Variants in GIMAP6 observed in about 807,000 individuals in gnomAD.
GIMAP6 encodes the protein GTPase, IMAP family member 6.
A neutral mutation model predicts 9.3 loss-of-function variants in GIMAP6; 6 were observed. The observed-to-expected ratio is 0.65, with a 90% CI of 0.35 to 1.27. The LOEUF is 1.27. Ranked by LOEUF, GIMAP6 falls within the 50% of genes most tolerant of loss-of-function variation. The pLI is 0.03. For missense variants in GIMAP6, 333 were observed against 359.5 expected (o/e 0.93, Z 0.60); for synonymous variants, 156 against 151.1 (o/e 1.03, Z -0.24).
chr7:150,629,509 G>A (rs1563337247), intron 2 of GIMAP6, among the ~76,000 whole-genome samples: 1 of 152,196 alleles, frequency 6.6e-6, no homozygotes, highest in Non-Finnish European at 1.5e-5. Context: ...GAATGACGAA[G>A]TTGAGCCCAT....
chr7:150,630,270 G>A (rs1432130455), intron 1 of GIMAP6, 128 bp from the exon 2 acceptor site: 2 of 627,454 alleles, frequency 3.2e-6, no homozygotes, highest in Non-Finnish European at 2.6e-6. Flanking sequence ...GGGTTGGGGT[G>A]GGACTGAGTG....
At position 150,630,098 on chromosome 7, in the gene GIMAP6, T is replaced by TG. The variant is rs764335710; in HGVS notation, c.44dup (p.Glu16ArgfsTer54). On this transcript the variant is annotated frameshift_variant, in exon 2 of 3. Coordinates refer to ENST00000328902, the MANE Select transcript of GIMAP6 (RefSeq NM_024711.6). LOFTEE classifies it high-confidence loss of function. ...GCACAGGATCCTGGGACAGCTCTTC[T>TG]GGGGGATTCTCCTGGGGAATTTGTT... 3.2e-6 allele frequency: 5 copies of TG among 1,573,742 alleles called. No homozygotes were observed. The African/African-American group carries it at 4.3e-5, about 14-fold the overall frequency.
chr7:150,627,879 T>C lies in GIMAP6; in HGVS notation c.719A>G (p.Gln240Arg). The C allele has an allele frequency of 6.2e-7, 1 of 1,614,270 alleles. No homozygotes were observed. The highest frequency in any genetic ancestry group is 8.5e-7 in the Non-Finnish European group (1 of 1,180,048). Residue 240 changes from glutamine to arginine, a missense_variant, in exon 3 of 3, where the codon CAG (glutamine) becomes CGG (arginine). Transcript: ENST00000328902. ...TAGTTCTTTCAGCCGAAAGTTTTGC[T>C]GGGTATATTGGTAAGCCTTGTTGCT... The part of the protein sequence containing the change: ...YYSNKAYQYT[Q>R]QNFRLKELQE...
chr7:150,630,600 T>C (rs960848968), intron 1 of GIMAP6, among the ~76,000 whole-genome samples: 1 of 152,080 alleles, frequency 6.6e-6, no homozygotes, highest in African/African-American at 2.4e-5. Flanking sequence ...CTGGAGGACG[T>C]GAATGAGTAG....
rs376869789 is a variant in GIMAP6 at position 150,628,107 on chromosome 7, C to T, written c.491G>A (p.Arg164Gln). The change falls in exon 3 of 3, where the codon CGG becomes CAG. Residue 164 changes from arginine to glutamine, a missense_variant. Transcript: ENST00000328902. Reference protein sequence around the residue: ...VLGHTILVFTRKEDLAGGSLE... With the variant: ...VLGHTILVFTQKEDLAGGSLE... ...GGAGCCGCCAGCCAGGTCTTCCTTC[C>T]GGGTGAACACCAGGATGGTGTGACC... The T allele has an allele frequency of 6.8e-6, 11 of 1,614,064 alleles. No individual in the cohort carries two copies. Among genetic ancestry groups the T allele is most frequent in the African/African-American group, 2.7e-5 (2 of 74,930 alleles).
At chr7:150,628,676 T>A (rs754485235) in intron 2 of GIMAP6, 164 bp from the exon 3 acceptor site, 1 of 1,563,160 alleles carries the variant, frequency 6.4e-7, no homozygotes, top group African/African-American at 1.4e-5. Context: ...TGGGCCCACA[T>A]CCTTGAAGGT....
Position 150,627,937 on chromosome 7 carries a change from C to T in GIMAP6, c.661G>A (p.Ala221Thr), listed in dbSNP as rs751478842. The change falls in exon 3 of 3, where the codon GCC (alanine) becomes ACC (threonine). Residue 221 changes from alanine (A) to threonine (T), a missense_variant. Physicochemically the swap from Ala to Thr is moderately conservative, Grantham distance 58. Transcript: ENST00000328902. Reference protein sequence around the residue: ...QLRELMEKVEAIMWENEGDYY... With the variant: ...QLRELMEKVETIMWENEGDYY... ...TCTCCTTCGTTTTCCCACATAATGGCTTCAACTTTCTCCATGAGCTCTCGC... is the reference window on the plus strand; with the variant it reads ...TCTCCTTCGTTTTCCCACATAATGGTTTCAACTTTCTCCATGAGCTCTCGC... 2.5e-6 allele frequency: 4 copies of T among 1,614,138 alleles called. No individual in the cohort carries two copies. The highest frequency in any genetic ancestry group is 1.3e-5 in the African/African-American group (1 of 74,952).
chr7:150,629,984 C>T, intron 2 of GIMAP6, 74 bp downstream of exon 2: 1 of 995,206 alleles, frequency 1.0e-6, no homozygotes, highest in Non-Finnish European at 1.5e-6. Flanking sequence ...TCCAAGCACA[C>T]TATGGTGGTG....
intron 2 of GIMAP6, among the ~76,000 whole-genome samples, chr7:150,628,955 A>T (rs563143143): frequency 6.6e-6 from 1 of 152,254 alleles, no homozygotes; most frequent in African/African-American, 2.4e-5. Context: ...ATGTGGCAGC[A>T]TGGGCGTGGC....
At position 150,630,146 on chromosome 7, in the gene GIMAP6, C is replaced by CAAA. The variant is rs58764098; in HGVS notation, c.1-7_1-5dup. ...GTTCATATTCTTCTTCCTCCATCTA[C>CAAA]AAAAAAAAAAAAAAAAAAAAAATCA... On this transcript the variant is annotated splice_polypyrimidine_tract_variant and splice_region_variant and intron_variant, in intron 1 of 2. Transcript: ENST00000328902. The CAAA allele has an allele frequency of 1.3e-3, 1,224 of 935,604 alleles. 6 individuals are homozygous for CAAA. The South Asian group carries it at 0.015, about 12-fold the overall frequency. The allele number at this position is 935,604 out of a possible 1,614,324, so 58.0% of individuals were successfully genotyped here.
intron 2 of GIMAP6, among the ~76,000 whole-genome samples, chr7:150,628,988 C>T (rs1440963909): frequency 6.6e-6 from 1 of 152,218 alleles, no homozygotes; most frequent in East Asian, 1.9e-4. Context: ...CTCCTGGGCA[C>T]CAACAGGCCT....
At chr7:150,629,913 A>G (rs539874855) in intron 2 of GIMAP6, 145 bp downstream of exon 2, 8 of 660,328 alleles carry the variant, frequency 1.2e-5, no homozygotes, top group African/African-American at 1.1e-4. Context: ...CCCTACCCCA[A>G]AGGCCTCTGA....
In GIMAP6 at chr7:150,627,801, T is replaced by C. The variant is rs1203420903; in HGVS notation, c.797A>G (p.Glu266Gly). The C allele has an allele frequency of 6.2e-7, 1 of 1,614,230 alleles. No individual in the cohort carries two copies. The highest frequency in any genetic ancestry group is 1.7e-5 in the Admixed American group (1 of 60,028). ...CTGGGACAGTCCTTCCAGCCAAGACTCCTCACCAGGCACGTCCTCAGAGCC... is the reference window on the plus strand; with the variant it reads ...CTGGGACAGTCCTTCCAGCCAAGACCCCTCACCAGGCACGTCCTCAGAGCC... ...GQGSEDVPGE[E>G]SWLEGLSQIQ... The change falls in exon 3 of 3, where the codon GAG becomes GGG. Residue 266 changes from glutamate to glycine, a missense_variant. Physicochemically the swap from Glu to Gly is moderately conservative, Grantham distance 98 (BLOSUM62 -2). Transcript: ENST00000328902.
chr7:150,630,027 C>T (rs1317874426), intron 2 of GIMAP6, 31 bp downstream of exon 2: 1 of 1,450,980 alleles, frequency 6.9e-7, no homozygotes, highest in Non-Finnish European at 9.6e-7. Flanking sequence ...CAAATGTTTC[C>T]CACTTGCTCC....
intron 2 of GIMAP6, chr7:150,628,734 A>G: frequency 6.8e-7 from 1 of 1,468,274 alleles, no homozygotes; most frequent in South Asian, 1.4e-5. Flanking sequence ...TAGAAAGAAG[A>G]GCGAGACTTG....
At position 150,627,608 on chromosome 7, in the gene GIMAP6, G is replaced by A. The variant is rs547192941; in HGVS notation, c.*111C>T. 2,345 of 1,348,882 alleles carry A rather than the reference G, an allele frequency of 1.7e-3. 6 individuals carry two copies. Among genetic ancestry groups the A allele is most frequent in the Admixed American group, 3.2e-3 (189 of 59,106 alleles). The allele number at this position is 1,348,882 out of a possible 1,614,324, so 83.6% of individuals were successfully genotyped here. A position where few individuals can be genotyped will look rare whatever the true frequency, so the allele number is the denominator to read the frequency against. On this transcript the variant is annotated 3_prime_UTR_variant, in exon 3 of 3. Coordinates refer to ENST00000328902, the MANE Select transcript of GIMAP6 (RefSeq NM_024711.6). ...CCATGCCCCTCTTCCTACACCAGAC[G>A]TCATGACCTGGAGACTGGGAAGCAC...
Position 150,625,940 on chromosome 7 carries a change from A to G in GIMAP6, c.*1779T>C, listed in dbSNP as rs1796285111. 1 of 152,248 alleles carries G rather than the reference A, an allele frequency of 6.6e-6. No individual in the cohort carries two copies. The highest frequency in any genetic ancestry group is 2.4e-5 in the African/African-American group (1 of 41,464). 9.4% of individuals were successfully genotyped at this position (152,248 alleles called of 1,614,324 possible). ...AGGAGTGTGAATGAGAACTGAATGT[A>G]TGATAAATGTTGCATGTTCAGTTCA... On this transcript the variant is annotated 3_prime_UTR_variant, in exon 3 of 3. Transcript: ENST00000328902.
chr7:150,627,644 G>T lies in GIMAP6; in HGVS notation c.*75C>A, dbSNP rs764558245. 2 of 1,579,920 alleles carry T rather than the reference G, an allele frequency of 1.3e-6. No individual in the cohort carries two copies. The highest frequency in any genetic ancestry group is 1.7e-6 in the Non-Finnish European group (2 of 1,150,964). On this transcript the variant is annotated 3_prime_UTR_variant, in exon 3 of 3. Transcript: ENST00000328902. ...GAGACTGGGAAGCACTCCATGGGAT[G>T]GAAAGAGAAACAGAGGGCTGGACAC... is the stretch of plus-strand genomic sequence containing the variant.
chr7:150,630,355 C>T (rs1796371657), intron 1 of GIMAP6, among the ~76,000 whole-genome samples: 2 of 152,010 alleles, frequency 1.3e-5, no homozygotes, highest in African/African-American at 4.8e-5. Context: ...TGCTATCCCT[C>T]GCCCCCTTCA....
Sources: gnomAD v4.1 joint callset for allele counts (sites outside exome capture counted in the v4.1 genomes callset) on GRCh38, gnomAD v4.1.1 for gene constraint, MANE v1.5 for transcripts, NCBI Gene and HGNC (gene_info 2026-07-23, HGNC 2026-07-21) for gene names.